FAR2: variants seen among roughly 807,000 people sequenced by gnomAD.
The protein encoded by FAR2 is epididymis secretory protein Li 81.
In FAR2, 19 loss-of-function variants were observed where a neutral mutation model predicts 56.0. That is an observed-to-expected ratio of 0.34 (90% CI 0.24 to 0.50). The LOEUF (loss-of-function observed/expected upper bound fraction) is 0.50, where lower values mean the gene tolerates loss of function less well. Ranked by LOEUF, FAR2 falls within the 20% of genes least tolerant of loss-of-function variation. The pLI, the probability that FAR2 is intolerant of heterozygous loss-of-function variation, is 0.98. For synonymous variants in FAR2, 219 were observed against 218.8 expected (o/e 1.00, Z -0.01); for missense variants, 508 against 642.2 (o/e 0.79, Z 2.26).
intron 1 of FAR2, among the ~76,000 whole-genome samples, chr12:29,212,045 C>G (rs924432575): frequency 6.6e-6 from 1 of 151,350 alleles, no homozygotes. Flanking sequence ...AGGGATCAGC[C>G]TGGGTGACAG....
At chr12:29,151,378 T>C (rs1459058117) in intron 1 of FAR2, 1 of 152,164 alleles carries the variant, frequency 6.6e-6, no homozygotes, top group African/African-American at 2.4e-5. Flanking sequence ...TAACACAAAA[T>C]TCCACCTACA....
chr12:29,166,556 G>T (rs965992235), intron 1 of FAR2, among the ~76,000 whole-genome samples: 1 of 152,198 alleles, frequency 6.6e-6, no homozygotes, highest in Non-Finnish European at 1.5e-5. Flanking sequence ...TATCAAATAT[G>T]TGGCTCACAT....
At chr12:29,169,850 A>G (rs968518107) in intron 1 of FAR2, among the ~76,000 whole-genome samples, 1 of 152,214 alleles carries the variant, frequency 6.6e-6, no homozygotes, top group Non-Finnish European at 1.5e-5. Context: ...AGCAGCAGCC[A>G]TTCCTAACCG....
At chr12:29,200,660 G>C (rs1947396117) in intron 1 of FAR2, among the ~76,000 whole-genome samples, 1 of 152,186 alleles carries the variant, frequency 6.6e-6, no homozygotes, top group Non-Finnish European at 1.5e-5. Flanking sequence ...GAGGCAGCCT[G>C]ATCCCTTTAC....
At chr12:29,327,816 G>A (rs1949672356) in intron 10 of FAR2, among the ~76,000 whole-genome samples, 1 of 152,072 alleles carries the variant, frequency 6.6e-6, no homozygotes, top group African/African-American at 2.4e-5. Context: ...AGAAAACCTA[G>A]GCAATACCAT....
chr12:29,192,221 G>A (rs1950108611), intron 1 of FAR2, among the ~76,000 whole-genome samples: 1 of 152,164 alleles, frequency 6.6e-6, no homozygotes, highest in Non-Finnish European at 1.5e-5. Context: ...TCTCTCCATT[G>A]TTTTGTTATT....
chr12:29,226,679 T>TGTA (rs1947774384), intron 1 of FAR2, among the ~76,000 whole-genome samples: 2 of 152,296 alleles, frequency 1.3e-5, no homozygotes, highest in South Asian at 4.1e-4. Flanking sequence ...ATTTAATTTT[T>TGTA]GTACTTTTTT....
intron 1 of FAR2, among the ~76,000 whole-genome samples, chr12:29,176,748 T>G (rs1949942893): frequency 6.6e-6 from 1 of 152,210 alleles, no homozygotes; most frequent in Non-Finnish European, 1.5e-5. Context: ...TGTGTAAACA[T>G]TTAGGCTGTG....
At chr12:29,154,561 A>G (rs190645977) in intron 1 of FAR2, among the ~76,000 whole-genome samples, 1 of 151,892 alleles carries the variant, frequency 6.6e-6, no homozygotes, top group South Asian at 2.1e-4. Flanking sequence ...CAGCCTCCTG[A>G]GTAGCTGGGA....
chr12:29,295,354 G>A lies in FAR2; in HGVS notation c.366-1667G>A, dbSNP rs1347701846. On this transcript the variant is annotated intron_variant, in intron 3 of 11. Transcript: ENST00000536681. ...CTCCTAAAGTGCTGGGATTACAGGCGTGAGCCACCGTGCCCAGCCACACTT... is the reference window on the plus strand; with the variant it reads ...CTCCTAAAGTGCTGGGATTACAGGCATGAGCCACCGTGCCCAGCCACACTT... Among the ~76,000 whole-genome samples, 118 of 152,136 alleles carry A rather than the reference G, an allele frequency of 7.8e-4. 1 individual carries two copies. Among genetic ancestry groups the A allele is most frequent in the Non-Finnish European group, 3.1e-4 (21 of 68,040 alleles).
chr12:29,176,074 C>T (rs371315037), intron 1 of FAR2, among the ~76,000 whole-genome samples: 50 of 152,258 alleles, frequency 3.3e-4, no homozygotes, highest in African/African-American at 1.1e-3. Context: ...TTATAAGATA[C>T]GTACATAGTA....
chr12:29,313,810 A>T (rs1383655423), intron 8 of FAR2, among the ~76,000 whole-genome samples: 1 of 143,790 alleles, frequency 7.0e-6, no homozygotes, highest in African/African-American at 3.0e-5. Flanking sequence ...TTTTTCAAAG[A>T]ACCAACTTCT....
chr12:29,173,480 T>G (rs1272941170), intron 1 of FAR2, among the ~76,000 whole-genome samples: 3 of 152,156 alleles, frequency 2.0e-5, no homozygotes, highest in Non-Finnish European at 4.4e-5. Flanking sequence ...CATAAGGTAT[T>G]TCACTCCATT....
intron 1 of FAR2, among the ~76,000 whole-genome samples, chr12:29,170,677 G>A (rs1451596539): frequency 6.8e-6 from 1 of 147,396 alleles, no homozygotes; most frequent in African/African-American, 2.5e-5. Flanking sequence ...CTTTTTCTCT[G>A]TCTCTTCCTC....
intron 1 of FAR2, among the ~76,000 whole-genome samples, chr12:29,218,725 A>T (rs1007437366): frequency 2.0e-5 from 3 of 152,276 alleles, no homozygotes; most frequent in Admixed American, 1.3e-4. Flanking sequence ...AAACAAAAAT[A>T]CAGAGAAAAA....
chr12:29,159,345 A>C (rs772101182), intron 1 of FAR2, among the ~76,000 whole-genome samples: 3 of 151,920 alleles, frequency 2.0e-5, no homozygotes, highest in African/African-American at 7.3e-5. Context: ...GAGACCATCC[A>C]GGCTAACATG....
At position 29,248,452 on chromosome 12, in the gene FAR2, G is replaced by A. The variant is rs188487214; in HGVS notation, c.-38-21960G>A. On this transcript the variant is annotated intron_variant, in intron 1 of 11. Coordinates refer to ENST00000536681, the MANE Select transcript of FAR2 (RefSeq NM_001271783.2). ...GTTTTTATTAGGGATTTTCAAAAGG[G>A]GAGGGAGTGTGCAAATAGATGTGGG... Among the ~76,000 whole-genome samples, 1,391 of 152,220 alleles carry A rather than the reference G, an allele frequency of 9.1e-3. 18 individuals carry two copies. Among genetic ancestry groups the A allele is most frequent in the African/African-American group, 0.032 (1,325 of 41,516 alleles).
At chr12:29,226,110 T>C (rs1436068372) in intron 1 of FAR2, among the ~76,000 whole-genome samples, 2 of 152,232 alleles carry the variant, frequency 1.3e-5, no homozygotes, top group Non-Finnish European at 2.9e-5. Flanking sequence ...TATGATAAAA[T>C]AATTGCATGA....
intron 1 of FAR2, 56 bp from the exon 2 acceptor site, chr12:29,270,356 T>C (rs1353032683): frequency 8.3e-6 from 11 of 1,329,316 alleles, no homozygotes; most frequent in African/African-American, 2.9e-5. Flanking sequence ...TTTAAGTGAC[T>C]TTGAATATGA....
Sources: gnomAD v4.1 joint callset for allele counts (sites outside exome capture counted in the v4.1 genomes callset) on GRCh38, gnomAD v4.1.1 for gene constraint, MANE v1.5 for transcripts, NCBI Gene and HGNC (gene_info 2026-07-23, HGNC 2026-07-21) for gene names.